Variants in RBM27 observed in about 807,000 individuals in gnomAD.
RBM27 encodes RNA binding motif protein 27.
In RBM27, 22 loss-of-function variants were observed where a neutral mutation model predicts 135.3. The observed-to-expected ratio is 0.16, with a 90% CI of 0.12 to 0.23. The LOEUF (loss-of-function observed/expected upper bound fraction) is 0.23, where lower values mean the gene tolerates loss of function less well. Among genes scored for constraint, RBM27 ranks in the 10% least tolerant of loss-of-function variants. The probability of loss-of-function intolerance (pLI) is 1.00; values close to 1 mark genes in which losing one functional copy is unlikely to be tolerated. For synonymous variants in RBM27, 481 were observed against 442.4 expected, an observed-to-expected ratio of 1.09 and a Z score of -1.10; for missense variants, 1,009 against 1,281.0, an observed-to-expected ratio of 0.79 and a Z score of 3.24.
intron 8 of RBM27, 56 bp from the exon 9 acceptor site, chr5:146,251,655 C>A (rs1456654067): frequency 6.7e-7 from 1 of 1,497,454 alleles, no homozygotes; most frequent in African/African-American, 1.4e-5. Context: ...ACATCATCAC[C>A]TAAGAGAAGC....
At chr5:146,285,556 C>T (rs1397736265) in intron 20 of RBM27, among the ~76,000 whole-genome samples, 5 of 152,054 alleles carry the variant, frequency 3.3e-5, no homozygotes, top group Non-Finnish European at 5.9e-5. Context: ...CTCTCACAAA[C>T]AATTGGATGG....
In RBM27 at chr5:146,240,489, G is replaced by A. The variant is rs112312052; in HGVS notation, c.1279+3057G>A. Among the ~76,000 whole-genome samples, 424 of 152,100 alleles carry A rather than the reference G, an allele frequency of 2.8e-3. 2 individuals are homozygous for A. Among genetic ancestry groups the A allele is most frequent in the African/African-American group, 9.5e-3 (392 of 41,476 alleles). On this transcript the variant is annotated intron_variant, in intron 8 of 20. Transcript: ENST00000265271. ...TTACAGTCGCCCACCACCACACCTG[G>A]CTAATTTTTGTATTTTTAGTAGAGA...
Position 146,230,780 on chromosome 5 carries a change from G to A in RBM27, c.713G>A (p.Ser238Asn). The A allele has an allele frequency of 6.2e-7, 1 of 1,614,064 alleles. No individual in the cohort carries two copies. Among genetic ancestry groups the A allele is most frequent in the Non-Finnish European group, 8.5e-7 (1 of 1,179,960 alleles). ...QYSSGAQSIPSTVTVIAPAHH... is the reference protein window; with the variant it reads ...QYSSGAQSIPNTVTVIAPAHH... Reference sequence around the variant, plus strand: ...TCCTCTGGGGCACAGTCTATTCCCAGCACTGTTACTGTGATCGCACCTGCT... The same window carrying A: ...TCCTCTGGGGCACAGTCTATTCCCAACACTGTTACTGTGATCGCACCTGCT... Residue 238 changes from serine to asparagine, a missense_variant, in exon 6 of 21, where the codon AGC becomes AAC. Physicochemically the swap from Ser to Asn is conservative, Grantham distance 46. This residue lies in a region of RBM27 where 268 missense variants were observed against 326.6 expected (regional missense o/e 0.82). Coordinates refer to ENST00000265271, the MANE Select transcript of RBM27 (RefSeq NM_018989.2).
rs765527205 is a variant in RBM27 at position 146,270,994 on chromosome 5, A to G, written c.2732A>G (p.Lys911Arg). Reference sequence around the variant, plus strand: ...TTAGATACTGAACTGGACCTCCACAAGAGGCTGTCCTCAGGAGAAGACACC... The same window carrying G: ...TTAGATACTGAACTGGACCTCCACAGGAGGCTGTCCTCAGGAGAAGACACC... Reference protein sequence around the residue: ...ELLDTELDLHKRLSSGEDTTE... With the variant: ...ELLDTELDLHRRLSSGEDTTE... The change falls in exon 18 of 21, where the codon AAG becomes AGG. Residue 911 changes from lysine to arginine, a missense_variant. Physicochemically the swap from Lys to Arg is conservative, Grantham distance 26 (BLOSUM62 2). Coordinates refer to ENST00000265271, the MANE Select transcript of RBM27 (RefSeq NM_018989.2). The G allele has an allele frequency of 3.7e-6, 6 of 1,613,600 alleles. No homozygotes were observed. The highest frequency in any genetic ancestry group is 5.1e-6 in the Non-Finnish European group (6 of 1,179,720).
At chr5:146,265,613 A>G (rs567291448) in intron 14 of RBM27, among the ~76,000 whole-genome samples, 4 of 152,380 alleles carry the variant, frequency 2.6e-5, no homozygotes, top group Non-Finnish European at 4.4e-5. Flanking sequence ...AGTGAAACAC[A>G]TGAACTAGCA....
chr5:146,225,163 T>C (rs1231065016), intron 3 of RBM27, among the ~76,000 whole-genome samples: 1 of 152,214 alleles, frequency 6.6e-6, no homozygotes. Context: ...GGTTTCACTA[T>C]GTTGCCCAGG....
At chr5:146,236,717 A>G (rs1456284088) in intron 7 of RBM27, among the ~76,000 whole-genome samples, 1 of 151,822 alleles carries the variant, frequency 6.6e-6, no homozygotes, top group Non-Finnish European at 1.5e-5. Context: ...TCCACCTCCC[A>G]TGTTCAAGTG....
At chr5:146,284,099 T>G (rs1257149750) in intron 19 of RBM27, among the ~76,000 whole-genome samples, 2 of 152,228 alleles carry the variant, frequency 1.3e-5, no homozygotes, top group Non-Finnish European at 2.9e-5. Context: ...ATTAGGCATT[T>G]GTTTAATGTT....
At chr5:146,269,180 G>T in intron 15 of RBM27, 27 bp from the exon 16 acceptor site, 1 of 1,514,948 alleles carries the variant, frequency 6.6e-7, no homozygotes, top group East Asian at 2.3e-5. Context: ...TACATTATCT[G>T]TATTAATTTC....
Position 146,271,698 on chromosome 5 carries a change from C to G in RBM27, c.2988+24C>G, listed in dbSNP as rs769713689. 4 of 1,576,302 alleles carry G rather than the reference C, an allele frequency of 2.5e-6. No homozygotes were observed. In the Admixed American group the frequency reaches 6.7e-5, roughly 26 times the overall value. On this transcript the variant is annotated intron_variant, in intron 19 of 20. Transcript: ENST00000265271. ...CAGTAAGTTTTTAAAATAGCAAATG[C>G]TAACTGTAAAAACACTGTGCTCATC...
intron 20 of RBM27, 83 bp downstream of exon 20, chr5:146,284,815 A>T (rs1482054169): frequency 1.5e-5 from 13 of 850,652 alleles, no homozygotes; most frequent in African/African-American, 5.2e-5. Context: ...AGTATAAATT[A>T]AAAAATGCTG....
rs758039150 is a variant in RBM27, at chr5:146,218,988, T to C, written c.63T>C (p.Cys21=). ...TGTTTTCTCTTTGTCTAACTAGATG[T>C]GATGCTGATCCTTCAGCCTTAGCCA... ...SWLAKLLEPI[C]DADPSALANY... Residue 21 remains cysteine (C), a synonymous_variant, in exon 2 of 21, where the codon TGT becomes TGC. Transcript: ENST00000265271. 1 of 1,592,812 alleles carries C rather than the reference T, an allele frequency of 6.3e-7. No individual in the cohort carries two copies. Among genetic ancestry groups the C allele is most frequent in the East Asian group, 2.2e-5 (1 of 44,506 alleles).
At chr5:146,261,268 G>A in intron 12 of RBM27, 1 of 561,442 alleles carries the variant, frequency 1.8e-6, no homozygotes, top group African/African-American at 1.9e-5. Context: ...AGAGAAAGAG[G>A]GGGTCAGGGC....
Position 146,286,122 on chromosome 5 carries a change from T to TTTTTTTA in RBM27, c.*98_*104dup, listed in dbSNP as rs1759571752. 2 of 1,132,482 alleles carry TTTTTTTA rather than the reference T, an allele frequency of 1.8e-6. No homozygotes were observed. The highest frequency in any genetic ancestry group is 2.6e-5 in the Admixed American group (1 of 38,266). 70.2% of individuals were successfully genotyped at this position (1,132,482 alleles called of 1,614,324 possible). A position where few individuals can be genotyped will look rare whatever the true frequency, so the allele number is the denominator to read the frequency against. On this transcript the variant is annotated 3_prime_UTR_variant, in exon 21 of 21. Coordinates refer to ENST00000265271, the MANE Select transcript of RBM27 (RefSeq NM_018989.2). ...AAAGAAGTCAATGAGCCAAAAAAAA[T>TTTTTTTA]TTTTTTATTTTTCTTTTCAACACAG...
At chr5:146,279,904 C>T (rs1391104576) in intron 19 of RBM27, among the ~76,000 whole-genome samples, 2 of 151,324 alleles carry the variant, frequency 1.3e-5, no homozygotes, top group Non-Finnish European at 2.9e-5. Flanking sequence ...TCTTAGGTAT[C>T]TTTATAGAAA....
chr5:146,248,095 C>T (rs748695986), intron 8 of RBM27, among the ~76,000 whole-genome samples: 3 of 151,654 alleles, frequency 2.0e-5, no homozygotes, highest in Non-Finnish European at 2.9e-5. Flanking sequence ...CCAAAGGGAA[C>T]TCCTGTTTTT....
chr5:146,269,912 G>A (rs933285472), intron 17 of RBM27, among the ~76,000 whole-genome samples: 5 of 152,134 alleles, frequency 3.3e-5, no homozygotes, highest in African/African-American at 7.2e-5. Context: ...TAGATGCTCT[G>A]TACCCTTTTT....
intron 1 of RBM27, among the ~76,000 whole-genome samples, chr5:146,216,098 C>T (rs1458018144): frequency 6.6e-6 from 1 of 152,106 alleles, no homozygotes; most frequent in Non-Finnish European, 1.5e-5. Context: ...GCTCTGTTGC[C>T]CATGCTGGAG....
chr5:146,210,591 A>T (rs1372624334), intron 1 of RBM27, among the ~76,000 whole-genome samples: 1 of 152,128 alleles, frequency 6.6e-6, no homozygotes, highest in Non-Finnish European at 1.5e-5. Context: ...GGCCCTCACT[A>T]GACTCCAAGT....
Sources: allele counts gnomAD v4.1 joint callset (sites outside exome capture counted in the v4.1 genomes callset), GRCh38; gene constraint gnomAD v4.1.1; regional missense constraint gnomAD v4.1.1; transcripts MANE v1.5; gene names NCBI Gene and HGNC (gene_info 2026-07-23, HGNC 2026-07-21).